Variants in CCDC30 observed in about 807,000 individuals in gnomAD.
The protein encoded by CCDC30 is coiled-coil domain containing 30.
Under a neutral mutation model 100.2 loss-of-function variants are expected in CCDC30, and 70 were observed. The ratio of observed to expected loss-of-function variants is 0.70; its 90% CI spans 0.58 to 0.85. The LOEUF (loss-of-function observed/expected upper bound fraction) is 0.85. CCDC30 is among the 40% of genes least tolerant of loss of function. The pLI is 0.00. For missense variants in CCDC30, 652 were observed against 771.2 expected, an observed-to-expected ratio of 0.85 and a Z score of 1.83; for synonymous variants, 233 against 269.5, an observed-to-expected ratio of 0.86 and a Z score of 1.33.
At position 42,550,658 on chromosome 1, in the gene CCDC30, A is replaced by G. The variant is rs138391406; in HGVS notation, c.457-15638A>G. Among the ~76,000 whole-genome samples, 27 of 152,336 alleles carry G rather than the reference A, an allele frequency of 1.8e-4. No individual in the cohort carries two copies. In the East Asian group the frequency reaches 5.0e-3, roughly 28 times the overall value. ...CATGTCTAGGCAAATTATAACTCCT[A>G]CTTTCCAAATACTTTACCATGTCAC... On this transcript the variant is annotated intron_variant, in intron 6 of 16. Transcript: ENST00000668663.
At chr1:42,565,740 T>TGG (rs1645591289) in intron 6 of CCDC30, among the ~76,000 whole-genome samples, 2 of 149,062 alleles carry the variant, frequency 1.3e-5, no homozygotes, top group South Asian at 2.1e-4. Flanking sequence ...GCAGAAGTGA[T>TGG]GTGTGTGTGT....
intron 6 of CCDC30, among the ~76,000 whole-genome samples, chr1:42,548,688 G>A (rs1365190103): frequency 2.6e-5 from 4 of 152,124 alleles, no homozygotes; most frequent in Admixed American, 2.6e-4. Context: ...TAGGAGAGAT[G>A]AGAAGGTAAT....
At chr1:42,519,521 T>C (rs886843066) in intron 6 of CCDC30, among the ~76,000 whole-genome samples, 4 of 152,130 alleles carry the variant, frequency 2.6e-5, no homozygotes, top group African/African-American at 9.7e-5. Context: ...CTTTGTGTTT[T>C]TAGAATTTCT....
At chr1:42,476,690 C>CAA (rs545352046) in intron 1 of CCDC30, among the ~76,000 whole-genome samples, 7 of 108,748 alleles carry the variant, frequency 6.4e-5, no homozygotes, top group Admixed American at 1.9e-4. Context: ...AACTCCTTCT[C>CAA]AAAAAAAAAA....
At chr1:42,554,827 C>T (rs1645335403) in intron 6 of CCDC30, among the ~76,000 whole-genome samples, 1 of 151,982 alleles carries the variant, frequency 6.6e-6, no homozygotes, top group Non-Finnish European at 1.5e-5. Context: ...AGTTTTTAGG[C>T]TTCTGTCTAG....
intron 6 of CCDC30, among the ~76,000 whole-genome samples, chr1:42,546,399 AATATATATATATATATAT>A (rs66804938): frequency 0.057 from 679 of 11,964 alleles, 50 homozygotes; most frequent in South Asian, 0.15. Context: ...AAAAAAAAAA[AATATATATATATATATAT>A]ATATATATAT....
At position 42,539,765 on chromosome 1, in the gene CCDC30, C is replaced by T. The variant is rs139068833; in HGVS notation, c.457-26531C>T. ...TAGAATTAGGAAAATGTTCAAATGT[C>T]CTGATTCAAGCTTGTTCCTTAAGTT... On this transcript the variant is annotated intron_variant, in intron 6 of 16. Transcript: ENST00000668663. Among the ~76,000 whole-genome samples, 792 of 152,178 alleles carry T rather than the reference C, an allele frequency of 5.2e-3. 7 individuals are homozygous for T. The highest frequency in any genetic ancestry group is 0.018 in the African/African-American group (765 of 41,518).
At chr1:42,565,111 C>T in intron 6 of CCDC30, among the ~76,000 whole-genome samples, 1 of 152,056 alleles carries the variant, frequency 6.6e-6, no homozygotes, top group East Asian at 1.9e-4. Context: ...CATTGATTGA[C>T]ACTTATGGAA....
At chr1:42,467,769 T>TG (rs1643636332) in intron 1 of CCDC30, 1 of 152,198 alleles carries the variant, frequency 6.6e-6, no homozygotes, top group Non-Finnish European at 1.5e-5. Context: ...ACTGACTGAA[T>TG]GGGGAAAATA....
At chr1:42,457,202 A>G in the CCDC30 span, 1 of 1,612,224 alleles carries the variant, frequency 6.2e-7, no homozygotes, top group African/African-American at 1.3e-5. Context: ...CTGATCCTAT[A>G]TCGTACCTCG....
At chr1:42,574,506 T>A (rs939157533) in intron 7 of CCDC30, among the ~76,000 whole-genome samples, 2 of 152,142 alleles carry the variant, frequency 1.3e-5, no homozygotes, top group Non-Finnish European at 2.9e-5. Context: ...TAGTTACCTT[T>A]GCCTTGTTGC....
At chr1:42,578,591 A>G (rs548923675) in intron 8 of CCDC30, among the ~76,000 whole-genome samples, 2 of 152,332 alleles carry the variant, frequency 1.3e-5, no homozygotes, top group South Asian at 2.1e-4. Context: ...AACTTAGACA[A>G]TACTAAATAT....
chr1:42,634,698 T>C (rs1205484092), intron 11 of CCDC30, among the ~76,000 whole-genome samples: 2 of 152,224 alleles, frequency 1.3e-5, no homozygotes, highest in African/African-American at 2.4e-5. Context: ...AACAGCTTTA[T>C]TGAGATATAA....
chr1:42,586,171 T>C (rs1646065077), intron 9 of CCDC30, among the ~76,000 whole-genome samples: 1 of 152,054 alleles, frequency 6.6e-6, no homozygotes, highest in Non-Finnish European at 1.5e-5. Flanking sequence ...AAATAGACAA[T>C]AGTATGGAGG....
intron 11 of CCDC30, among the ~76,000 whole-genome samples, chr1:42,618,365 T>A (rs2148653717): frequency 6.6e-6 from 1 of 150,676 alleles, no homozygotes; most frequent in African/African-American, 2.4e-5. Context: ...GCCTCCCGAG[T>A]AGCTGGGATT....
chr1:42,459,549 C>A, upstream of CCDC30: 1 of 1,405,768 alleles, frequency 7.1e-7, no homozygotes, highest in Non-Finnish European at 9.9e-7. Context: ...ATGAGATTGA[C>A]CTGGTAGGTA....
chr1:42,605,049 C>T (rs1190190115), intron 10 of CCDC30, among the ~76,000 whole-genome samples: 1 of 152,180 alleles, frequency 6.6e-6, no homozygotes, highest in East Asian at 1.9e-4. Flanking sequence ...GACAAGATAG[C>T]TATAGGTCAA....
At chr1:42,551,920 A>G (rs1488881111) in intron 6 of CCDC30, among the ~76,000 whole-genome samples, 1 of 151,984 alleles carries the variant, frequency 6.6e-6, no homozygotes, top group African/African-American at 2.4e-5. Context: ...ATGCCACCAC[A>G]TCCAGCTAAT....
At chr1:42,489,393 T>C (rs1557801108) in intron 3 of CCDC30, among the ~76,000 whole-genome samples, 2 of 152,202 alleles carry the variant, frequency 1.3e-5, no homozygotes, top group Non-Finnish European at 2.9e-5. Flanking sequence ...TAGTTAGGAA[T>C]GCAGTTTTAG....
Sources: allele counts gnomAD v4.1 joint callset (sites outside exome capture counted in the v4.1 genomes callset), GRCh38; gene constraint gnomAD v4.1.1; transcripts MANE v1.5; gene names NCBI Gene and HGNC (gene_info 2026-07-23, HGNC 2026-07-21).